The following DDX60 variants were observed in gnomAD, a reference collection of about 807,000 sequenced individuals.
DDX60 encodes the protein probable ATP-dependent RNA helicase DDX60.
In DDX60, 165 loss-of-function variants were observed where a neutral mutation model predicts 212.8. That is an observed-to-expected ratio of 0.78 (90% confidence interval 0.68 to 0.88). The LOEUF is 0.88. DDX60 is among the 40% of genes least tolerant of loss of function. The probability of loss-of-function intolerance (pLI) is 0.00; values close to 1 mark genes in which losing one functional copy is unlikely to be tolerated. For synonymous variants in DDX60, 703 were observed against 685.3 expected (o/e 1.03, Z -0.40); for missense variants, 1,905 against 2,003.9 (o/e 0.95, Z 0.94).
At chr4:168,223,147 GA>G (rs1446135630) in intron 35 of DDX60, among the ~76,000 whole-genome samples, 1 of 151,976 alleles carries the variant, frequency 6.6e-6, no homozygotes, top group Non-Finnish European at 1.5e-5. Context: ...TGGCCTGGGG[GA>G]AAACGGGAGA....
chr4:168,293,907 T>G lies in DDX60; in HGVS notation c.762A>C (p.Pro254=), dbSNP rs1458680157. The change falls in exon 7 of 38, where the codon CCA becomes CCC. Residue 254 remains proline (P), a synonymous_variant. Transcript: ENST00000393743. Reference sequence around the variant, plus strand: ...AGACACGCCGAATGTCAGATCCTTCTGGCCAGACTTGTGTAAGCAGAGATA... The same window carrying G: ...AGACACGCCGAATGTCAGATCCTTCGGGCCAGACTTGTGTAAGCAGAGATA... ...KTVSLLTQVW[P]EGSDIRRVFC... The G allele has an allele frequency of 1.9e-6, 3 of 1,613,870 alleles. No individual in the cohort carries two copies. Among genetic ancestry groups the G allele is most frequent in the Non-Finnish European group, 2.5e-6 (3 of 1,179,978 alleles).
intron 4 of DDX60, among the ~76,000 whole-genome samples, chr4:168,307,568 C>T (rs1483455666): frequency 6.6e-6 from 1 of 152,002 alleles, no homozygotes; most frequent in East Asian, 1.9e-4. Flanking sequence ...CTCAGCCTCC[C>T]GAAGTGCTGG....
chr4:168,255,837 T>C lies in DDX60; in HGVS notation c.3431A>G (p.Glu1144Gly), dbSNP rs1734386875. The C allele has an allele frequency of 1.9e-6, 3 of 1,597,190 alleles. No individual in the cohort carries two copies. The highest frequency in any genetic ancestry group is 2.2e-5 in the East Asian group (1 of 44,544). The change falls in exon 26 of 38, where the codon GAA (glutamate) becomes GGA (glycine). Residue 1144 changes from glutamate to glycine, a missense_variant. Glu to Gly is a moderately conservative substitution (Grantham distance 98). Coordinates refer to ENST00000393743, the MANE Select transcript of DDX60 (RefSeq NM_017631.6). Reference sequence around the variant, plus strand: ...TTTCTTTAGGAAAGTGCTCACACTTTCAGCTGCGTTTTCTACAGCTCCTAA... The same window carrying C: ...TTTCTTTAGGAAAGTGCTCACACTTCCAGCTGCGTTTTCTACAGCTCCTAA... The part of the protein sequence containing the change: ...FKLGAVENAA[E>G]SVSTFLKKKQ...
intron 26 of DDX60, among the ~76,000 whole-genome samples, chr4:168,253,025 G>C (rs1734277436): frequency 6.6e-6 from 1 of 151,996 alleles, no homozygotes; most frequent in African/African-American, 2.4e-5. Flanking sequence ...GGCTTGTCTT[G>C]AACTCCTGAC....
intron 12 of DDX60, among the ~76,000 whole-genome samples, chr4:168,284,210 T>G (rs556795102): frequency 6.6e-6 from 1 of 152,032 alleles, no homozygotes; most frequent in African/African-American, 2.4e-5. Context: ...ATCTAAAGTA[T>G]CCCCCCACAC....
chr4:168,311,297 G>T lies in DDX60; in HGVS notation c.-38C>A, dbSNP rs370793626. 1.1e-5 allele frequency: 18 copies of T among 1,610,972 alleles called. No individual in the cohort carries two copies. The highest frequency in any genetic ancestry group is 1.4e-5 in the Non-Finnish European group (16 of 1,178,508). The stretch of plus-strand genomic sequence containing the variant: ...CTGTGCCTCCAACCTGAACTGGCAA[G>T]TATTAAAGGTAGCAAATACCCTTTA... On this transcript the variant is annotated 5_prime_UTR_variant, in exon 2 of 38. Transcript: ENST00000393743.
rs1395191801 is a variant in DDX60, at chr4:168,255,876, A to G, written c.3399-7T>C. ...TACAGCTCCTAACTTGAATCTGGAA[A>G]TAAAAAGAATGTGCGCCTTGAAAAT... On this transcript the variant is annotated splice_region_variant and splice_polypyrimidine_tract_variant and intron_variant, in intron 25 of 37. Transcript: ENST00000393743. The G allele has an allele frequency of 1.3e-6, 2 of 1,571,022 alleles. No homozygotes were observed.
intron 6 of DDX60, among the ~76,000 whole-genome samples, chr4:168,294,161 C>T (rs776790049): frequency 6.6e-6 from 1 of 151,738 alleles, no homozygotes; most frequent in African/African-American, 2.4e-5. Flanking sequence ...TTTTCTGAGA[C>T]GAAAGGAAAC....
chr4:168,322,450 T>C (rs977385516), upstream of DDX60, among the ~76,000 whole-genome samples: 2 of 152,192 alleles, frequency 1.3e-5, no homozygotes, highest in African/African-American at 4.8e-5. Context: ...TCATTTCTCA[T>C]CTGGATTATT....
At chr4:168,276,482 C>A (rs914350993) in intron 14 of DDX60, among the ~76,000 whole-genome samples, 9 of 152,156 alleles carry the variant, frequency 5.9e-5, no homozygotes, top group Middle Eastern at 3.2e-3. Flanking sequence ...TTTTCTCCAT[C>A]TTTTATTTTC....
At chr4:168,220,421 C>G (rs1365629037) in intron 37 of DDX60, 5 of 334,512 alleles carry the variant, frequency 1.5e-5, no homozygotes, top group Middle Eastern at 9.0e-4. Context: ...GGCTGAGACT[C>G]TAGTCTGGAT....
At chr4:168,283,118 C>T (rs1444141074) in intron 13 of DDX60, among the ~76,000 whole-genome samples, 1 of 152,026 alleles carries the variant, frequency 6.6e-6, no homozygotes, top group African/African-American at 2.4e-5. Context: ...ATTTTTACTA[C>T]CTATATGAAA....
chr4:168,248,668 T>C (rs1734105103), intron 28 of DDX60, among the ~76,000 whole-genome samples: 1 of 152,220 alleles, frequency 6.6e-6, no homozygotes, highest in Non-Finnish European at 1.5e-5. Context: ...TATTACTTGT[T>C]TGTTCACTTG....
chr4:168,273,529 A>T, intron 17 of DDX60, 131 bp from the exon 18 acceptor site: 1 of 968,240 alleles, frequency 1.0e-6, no homozygotes, highest in South Asian at 1.7e-5. Flanking sequence ...TCATCAACCC[A>T]CTACTCTAAA....
intron 33 of DDX60, among the ~76,000 whole-genome samples, chr4:168,230,676 A>G (rs1248023107): frequency 2.6e-5 from 4 of 152,138 alleles, no homozygotes; most frequent in Non-Finnish European, 5.9e-5. Context: ...AACCTCTGGG[A>G]CAGAGCAAAA....
rs1365630305 is a variant in DDX60, at chr4:168,291,600, A to T, written c.1041+148T>A. 5.6e-5 allele frequency: 29 copies of T among 522,368 alleles called. No individual in the cohort carries two copies. In the East Asian group the frequency reaches 9.8e-4, roughly 18 times the overall value. 32.4% of individuals were successfully genotyped at this position (522,368 alleles called of 1,614,324 possible). A position where few individuals can be genotyped will look rare whatever the true frequency, so the allele number is the denominator to read the frequency against. On this transcript the variant is annotated intron_variant, in intron 8 of 37. Coordinates refer to ENST00000393743, the MANE Select transcript of DDX60 (RefSeq NM_017631.6). The stretch of plus-strand genomic sequence containing the variant: ...AGTTCTCCTAAACATAGATGCTGAA[A>T]TTGGAAAGTGACTGATGTAGCCCAT...
chr4:168,301,831 T>C (rs1736659582), intron 6 of DDX60, among the ~76,000 whole-genome samples: 1 of 152,234 alleles, frequency 6.6e-6, no homozygotes, highest in African/African-American at 2.4e-5. Context: ...GAGAAAACTG[T>C]CAGGCACCAA....
chr4:168,320,552 C>T (rs944415219), upstream of DDX60, among the ~76,000 whole-genome samples: 1 of 152,098 alleles, frequency 6.6e-6, no homozygotes, highest in South Asian at 2.1e-4. Flanking sequence ...GAGCTCAGAA[C>T]TGTAAGAGAA....
intron 6 of DDX60, among the ~76,000 whole-genome samples, chr4:168,298,570 T>A (rs778344647): frequency 2.6e-5 from 4 of 152,150 alleles, no homozygotes; most frequent in Non-Finnish European, 5.9e-5. Context: ...ATCCAACATA[T>A]GCATGGCAAC....
Sources: allele counts gnomAD v4.1 joint callset (sites outside exome capture counted in the v4.1 genomes callset), GRCh38; gene constraint gnomAD v4.1.1; transcripts MANE v1.5; gene names NCBI Gene and HGNC (gene_info 2026-07-23, HGNC 2026-07-21).